TMEM163: variants seen among roughly 807,000 people sequenced by gnomAD.
TMEM163 encodes transmembrane protein 163.
In TMEM163, 17 loss-of-function variants were observed where a neutral mutation model predicts 29.3. That is an observed-to-expected ratio of 0.58 (90% CI 0.40 to 0.87). The LOEUF is 0.87. TMEM163 is among the 40% of genes least tolerant of loss of function. The probability of loss-of-function intolerance (pLI) is 0.00; values close to 1 mark genes in which losing one functional copy is unlikely to be tolerated. For missense variants in TMEM163, 303 were observed against 381.5 expected, an observed-to-expected ratio of 0.79 and a Z score of 1.71; for synonymous variants, 157 against 160.6, an observed-to-expected ratio of 0.98 and a Z score of 0.17.
At chr2:134,604,958 T>A (rs1353703272) in intron 2 of TMEM163, among the ~76,000 whole-genome samples, 1 of 152,162 alleles carries the variant, frequency 6.6e-6, no homozygotes, top group Non-Finnish European at 1.5e-5. Flanking sequence ...GGCAGGCAGA[T>A]CACCAGAGGT....
At chr2:134,580,843 G>A (rs2104794172) in intron 2 of TMEM163, among the ~76,000 whole-genome samples, 1 of 152,316 alleles carries the variant, frequency 6.6e-6, no homozygotes, top group Non-Finnish European at 1.5e-5. Flanking sequence ...AACCCCAGAG[G>A]TGGAGGTTGC....
chr2:134,474,076 A>G (rs1318888170), intron 5 of TMEM163, among the ~76,000 whole-genome samples: 4 of 152,224 alleles, frequency 2.6e-5, no homozygotes, highest in Non-Finnish European at 5.9e-5. Flanking sequence ...CTACAGACCA[A>G]TAGCTCTCAT....
chr2:134,691,351 G>A (rs1256254850), intron 2 of TMEM163, among the ~76,000 whole-genome samples: 2 of 152,168 alleles, frequency 1.3e-5, no homozygotes, highest in East Asian at 3.9e-4. Context: ...GCCTAGCGTA[G>A]GCACCAAACA....
intron 1 of TMEM163, among the ~76,000 whole-genome samples, chr2:134,715,277 T>C (rs4953926): frequency 0.31 from 47,420 of 152,060 alleles, 9,755 homozygotes; most frequent in African/African-American, 0.57. Context: ...ACCACACATG[T>C]GGACCAATCT....
intron 2 of TMEM163, among the ~76,000 whole-genome samples, chr2:134,629,620 T>C (rs1275878799): frequency 1.3e-5 from 2 of 152,224 alleles, no homozygotes; most frequent in African/African-American, 2.4e-5. Context: ...ATTCTGATTA[T>C]ACTACTTCCC....
chr2:134,475,949 A>G (rs1686903759), intron 5 of TMEM163, among the ~76,000 whole-genome samples: 1 of 152,244 alleles, frequency 6.6e-6, no homozygotes, highest in Non-Finnish European at 1.5e-5. Context: ...AATTAAATAT[A>G]GACTTACCAT....
intron 4 of TMEM163, among the ~76,000 whole-genome samples, chr2:134,510,228 A>C (rs919071831): frequency 6.6e-6 from 1 of 152,230 alleles, no homozygotes; most frequent in Non-Finnish European, 1.5e-5. Context: ...ATTGTTGCTT[A>C]GGGAAAAAAT....
intron 2 of TMEM163, among the ~76,000 whole-genome samples, chr2:134,576,421 T>C (rs919644177): frequency 6.6e-6 from 1 of 152,156 alleles, no homozygotes; most frequent in Non-Finnish European, 1.5e-5. Flanking sequence ...TTTAATCTCA[T>C]ATAGACCTAA....
intron 2 of TMEM163, among the ~76,000 whole-genome samples, chr2:134,628,785 A>T (rs1388649988): frequency 1.3e-5 from 2 of 152,192 alleles, no homozygotes. Context: ...GTATTATTTC[A>T]TTGTAATAAA....
intron 2 of TMEM163, among the ~76,000 whole-genome samples, chr2:134,665,924 GA>G (rs946570831): frequency 6.6e-6 from 1 of 152,166 alleles, no homozygotes; most frequent in African/African-American, 2.4e-5. Context: ...TTTTGTGACT[GA>G]AAACTGCTTT....
At chr2:134,505,933 G>A (rs1679813522) in intron 4 of TMEM163, among the ~76,000 whole-genome samples, 1 of 152,096 alleles carries the variant, frequency 6.6e-6, no homozygotes, top group South Asian at 2.1e-4. Flanking sequence ...GCAGTAGAGT[G>A]GATCGAACAT....
At chr2:134,486,565 C>T (rs937503140) in intron 5 of TMEM163, among the ~76,000 whole-genome samples, 5 of 151,962 alleles carry the variant, frequency 3.3e-5, no homozygotes, top group African/African-American at 4.8e-5. Context: ...AATTTGCTGT[C>T]GAAACAAAAT....
At chr2:134,553,372 C>T (rs535973745) in intron 2 of TMEM163, among the ~76,000 whole-genome samples, 3 of 152,326 alleles carry the variant, frequency 2.0e-5, no homozygotes, top group South Asian at 2.1e-4. Flanking sequence ...ACAAGGAGGG[C>T]ACCTGATCCA....
At chr2:134,606,841 T>C (rs1283169557) in intron 2 of TMEM163, among the ~76,000 whole-genome samples, 1 of 152,222 alleles carries the variant, frequency 6.6e-6, no homozygotes, top group African/African-American at 2.4e-5. Flanking sequence ...TGGTAAACTT[T>C]CGTTTGGCGA....
At chr2:134,624,426 G>A (rs574081768) in intron 2 of TMEM163, among the ~76,000 whole-genome samples, 26 of 152,236 alleles carry the variant, frequency 1.7e-4, no homozygotes, top group Admixed American at 7.2e-4. Flanking sequence ...ACGTGGACAC[G>A]AAGAGGGGAA....
intron 2 of TMEM163, among the ~76,000 whole-genome samples, chr2:134,579,191 A>T (rs1394060148): frequency 6.6e-6 from 1 of 152,204 alleles, no homozygotes; most frequent in Non-Finnish European, 1.5e-5. Flanking sequence ...TTATATCTAC[A>T]AAGGGGCAAC....
At chr2:134,668,536 A>T (rs910127592) in intron 2 of TMEM163, among the ~76,000 whole-genome samples, 1 of 151,972 alleles carries the variant, frequency 6.6e-6, no homozygotes, top group Non-Finnish European at 1.5e-5. Flanking sequence ...ATTGTAAAAA[A>T]ATGGGTTTTC....
intron 4 of TMEM163, among the ~76,000 whole-genome samples, chr2:134,507,513 C>A (rs764108533): frequency 7.2e-5 from 11 of 152,072 alleles, no homozygotes; most frequent in Non-Finnish European, 1.5e-4. Context: ...GGGACGTGGC[C>A]CCTCAATCTG....
chr2:134,688,882 C>T (rs1005349288), intron 2 of TMEM163, among the ~76,000 whole-genome samples: 2 of 152,138 alleles, frequency 1.3e-5, no homozygotes, highest in East Asian at 3.9e-4. Flanking sequence ...GTACATGAAA[C>T]GTGGCTAAGT....
Sources: gnomAD v4.1 joint callset for allele counts (sites outside exome capture counted in the v4.1 genomes callset) on GRCh38, gnomAD v4.1.1 for gene constraint, MANE v1.5 for transcripts, NCBI Gene and HGNC (gene_info 2026-07-23, HGNC 2026-07-21) for gene names.